FAM135B: variants seen among roughly 807,000 people sequenced by gnomAD.
FAM135B encodes the protein family with sequence similarity 135 member B.
FAM135B carries 43 observed loss-of-function variants against 127.7 expected under a neutral mutation model. The ratio of observed to expected loss-of-function variants is 0.34; its 90% CI spans 0.26 to 0.43. FAM135B has a LOEUF of 0.43. FAM135B is among the 20% of genes least tolerant of loss of function. The pLI is 1.00. For missense variants in FAM135B, 1,558 were observed against 1,725.6 expected, an observed-to-expected ratio of 0.90 and a Z score of 1.72; for synonymous variants, 670 against 665.1, an observed-to-expected ratio of 1.01 and a Z score of -0.11.
intron 2 of FAM135B, among the ~76,000 whole-genome samples, chr8:138,338,137 A>C (rs951015555): frequency 4.2e-4 from 64 of 152,334 alleles, no homozygotes; most frequent in African/African-American, 1.5e-3. Context: ...TAAATGTTAG[A>C]CCTGAAACCA....
In FAM135B at chr8:138,311,063, A is replaced by G. The variant is rs181467176; in HGVS notation, c.78-143T>C. On this transcript the variant is annotated intron_variant, in intron 2 of 19. Transcript: ENST00000395297. Reference sequence around the variant, plus strand: ...GCACAATCATCTGGCATCAATGAGAAATGCATTTTATCAGCAGAGTTGGAG... The same window carrying G: ...GCACAATCATCTGGCATCAATGAGAGATGCATTTTATCAGCAGAGTTGGAG... 5.4e-5 allele frequency: 34 copies of G among 630,724 alleles called. No homozygotes were observed. The Admixed American group carries it at 6.3e-4, about 12-fold the overall frequency. The allele number at this position is 630,724 out of a possible 1,614,324, so 39.1% of individuals were successfully genotyped here. A position where few individuals can be genotyped will look rare whatever the true frequency, so the allele number is the denominator to read the frequency against.
At chr8:138,483,616 T>TAA (rs1489517712) in intron 1 of FAM135B, among the ~76,000 whole-genome samples, 1 of 152,152 alleles carries the variant, frequency 6.6e-6, no homozygotes, top group Non-Finnish European at 1.5e-5. Context: ...CATATTGTGC[T>TAA]AAAATTATAA....
intron 6 of FAM135B, among the ~76,000 whole-genome samples, chr8:138,250,541 G>C (rs553501548): frequency 6.6e-6 from 1 of 152,156 alleles, no homozygotes; most frequent in African/African-American, 2.4e-5. Flanking sequence ...ATGTGGCTCA[G>C]GAACATTAGA....
chr8:138,197,754 C>T, intron 7 of FAM135B, 85 bp from the exon 8 acceptor site: 3 of 1,428,528 alleles, frequency 2.1e-6, no homozygotes, highest in Admixed American at 1.9e-5. Context: ...TCCACCCGCA[C>T]CAACATTCAC....
intron 1 of FAM135B, among the ~76,000 whole-genome samples, chr8:138,412,022 A>G (rs998454100): frequency 1.3e-5 from 2 of 152,172 alleles, no homozygotes; most frequent in African/African-American, 4.8e-5. Flanking sequence ...TTGGTTAGAC[A>G]TGGACATAAA....
intron 1 of FAM135B, among the ~76,000 whole-genome samples, chr8:138,484,722 TGAAAA>T (rs1159558801): frequency 6.6e-6 from 1 of 152,104 alleles, no homozygotes; most frequent in East Asian, 1.9e-4. Context: ...CACATGCTTT[TGAAAA>T]GAAGAGGGGA....
chr8:138,316,716 C>A lies in FAM135B; in HGVS notation c.78-5796G>T, dbSNP rs572831754. On this transcript the variant is annotated intron_variant, in intron 2 of 19. Coordinates refer to ENST00000395297, the MANE Select transcript of FAM135B (RefSeq NM_015912.4). ...AAACATACGGCCGGGCGTGGTGGCT[C>A]ACGCCTGTAATCCCACCACTTTGGG... Among the ~76,000 whole-genome samples, 71 of 151,926 alleles carry A rather than the reference C, an allele frequency of 4.7e-4. 2 individuals are homozygous for A. The South Asian group carries it at 0.014, about 31-fold the overall frequency.
intron 12 of FAM135B, among the ~76,000 whole-genome samples, chr8:138,159,935 T>C (rs929139998): frequency 6.6e-6 from 1 of 152,134 alleles, no homozygotes; most frequent in Non-Finnish European, 1.5e-5. Context: ...TAGTTCAGGA[T>C]AGAGGTTGGC....
At chr8:138,398,868 T>C (rs373194642) in intron 1 of FAM135B, among the ~76,000 whole-genome samples, 3 of 152,248 alleles carry the variant, frequency 2.0e-5, no homozygotes, top group Admixed American at 6.5e-5. Context: ...AGCCTCTATT[T>C]CCCCTAATAC....
chr8:138,409,082 T>C (rs932851528), intron 1 of FAM135B, among the ~76,000 whole-genome samples: 1 of 152,228 alleles, frequency 6.6e-6, no homozygotes, highest in African/African-American at 2.4e-5. Flanking sequence ...TCAGTTGATC[T>C]CAGCTTTTGA....
intron 7 of FAM135B, among the ~76,000 whole-genome samples, chr8:138,238,205 T>C (rs747298991): frequency 2.0e-4 from 30 of 152,174 alleles, no homozygotes; most frequent in Non-Finnish European, 3.7e-4. Flanking sequence ...GATTTAATTA[T>C]GTGGATAAAT....
chr8:138,226,184 T>TGTGTGTGTGCGCGCGCGCGC lies in FAM135B; in HGVS notation c.669+16757_669+16758insGCGCGCGCGCGCACACACAC. Among the ~76,000 whole-genome samples the TGTGTGTGTGCGCGCGCGCGC allele has an allele frequency of 5.3e-3, 739 of 139,266 alleles. 7 individuals are homozygous for TGTGTGTGTGCGCGCGCGCGC. Among genetic ancestry groups the TGTGTGTGTGCGCGCGCGCGC allele is most frequent in the African/African-American group, 0.015 (566 of 37,276 alleles). The allele number at this position is 139,266 out of a possible 152,430, so 91.4% of individuals were successfully genotyped here. A position where few individuals can be genotyped will look rare whatever the true frequency, so the allele number is the denominator to read the frequency against. On this transcript the variant is annotated intron_variant, in intron 7 of 19. Transcript: ENST00000395297. ...GTGTGTGTGTGTGTGTGTGTGTGTG[T>TGTGTGTGTGCGCGCGCGCGC]GCGCGCATGTCATTTTTTTTTTCAT...
At position 138,197,637 on chromosome 8, in the gene FAM135B, C is replaced by T. The variant is rs2131140456; in HGVS notation, c.702G>A (p.Met234Ile). The T allele has an allele frequency of 6.2e-6, 10 of 1,614,160 alleles. No individual in the cohort carries two copies. Among genetic ancestry groups the T allele is most frequent in the Non-Finnish European group, 8.5e-6 (10 of 1,180,028 alleles). Residue 234 changes from methionine (M) to isoleucine (I), a missense_variant, in exon 8 of 20, where the codon ATG becomes ATA. By Grantham distance (10) the Met-to-Ile change is conservative. Around this residue, in one of 5 missense-constraint regions of FAM135B, gnomAD observed 127 missense variants for 109.7 expected, o/e 1.16. Coordinates refer to ENST00000395297, the MANE Select transcript of FAM135B (RefSeq NM_015912.4). ...CTCGGTGCCACTTGTGTGCGTGCTG[C>T]ATGCAGTTCTCAGAGGTGATGTAGA... The part of the protein sequence containing the change: ...GSFYITSENC[M>I]QHAHKWHRDL...
chr8:138,148,237 T>C (rs1817815387), intron 14 of FAM135B, among the ~76,000 whole-genome samples: 1 of 152,248 alleles, frequency 6.6e-6, no homozygotes, highest in South Asian at 2.1e-4. Context: ...ATTGTATTCA[T>C]CATTTATTCC....
intron 4 of FAM135B, among the ~76,000 whole-genome samples, chr8:138,258,342 T>A (rs897215317): frequency 4.6e-5 from 7 of 152,218 alleles, no homozygotes; most frequent in South Asian, 2.1e-4. Flanking sequence ...ATGGAATTTA[T>A]CTTTAGGTCT....
intron 2 of FAM135B, among the ~76,000 whole-genome samples, chr8:138,332,128 T>C (rs758247902): frequency 7.2e-5 from 11 of 152,158 alleles, no homozygotes; most frequent in Non-Finnish European, 1.3e-4. Context: ...CTTAGGATAG[T>C]ACATCCCCTG....
intron 1 of FAM135B, among the ~76,000 whole-genome samples, chr8:138,463,659 G>T (rs900470606): frequency 1.3e-5 from 2 of 152,134 alleles, no homozygotes; most frequent in Admixed American, 6.5e-5. Flanking sequence ...CAGGAGGCGC[G>T]CAATGAGAAA....
Position 138,314,189 on chromosome 8 carries a change from T to C in FAM135B, c.78-3269A>G, listed in dbSNP as rs550522961. On this transcript the variant is annotated intron_variant, in intron 2 of 19. Coordinates refer to ENST00000395297, the MANE Select transcript of FAM135B (RefSeq NM_015912.4). ...AATGGTAATGAATCAACAGTACATA[T>C]TAAGTGTGGGGTATCTTTAAACAGA... 2.6e-4 allele frequency among the ~76,000 whole-genome samples: 40 copies of C among 152,270 alleles called. No homozygotes were observed. In the South Asian group the frequency reaches 7.5e-3, roughly 28 times the overall value.
chr8:138,413,599 T>C (rs559163080), intron 1 of FAM135B, among the ~76,000 whole-genome samples: 6 of 152,312 alleles, frequency 3.9e-5, no homozygotes, highest in East Asian at 3.9e-4. Context: ...ATACTCTTCA[T>C]TGAATGAATG....
Sources: gnomAD v4.1 joint callset for allele counts (sites outside exome capture counted in the v4.1 genomes callset) on GRCh38, gnomAD v4.1.1 for gene constraint, gnomAD v4.1.1 regional missense constraint, MANE v1.5 for transcripts, NCBI Gene and HGNC (gene_info 2026-07-23, HGNC 2026-07-21) for gene names.